DLC1: variants seen among roughly 807,000 people sequenced by gnomAD.
DLC1 encodes DLC1 Rho GTPase activating protein.
In DLC1, 54 loss-of-function variants were observed where a neutral mutation model predicts 140.3. The observed-to-expected ratio is 0.38, with a 90% CI of 0.31 to 0.48. DLC1 has a LOEUF of 0.48. Ranked by LOEUF, DLC1 falls within the 20% of genes least tolerant of loss-of-function variation. DLC1 has a pLI of 0.96. For missense variants in DLC1, 2,536 were observed against 1,907.0 expected (o/e 1.33, Z -6.14); for synonymous variants, 986 against 728.1 (o/e 1.35, Z -5.70).
At chr8:13,537,709 A>G (rs1039548386) in intron 1 of DLC1, among the ~76,000 whole-genome samples, 18 of 134,436 alleles carry the variant, frequency 1.3e-4, no homozygotes, top group Admixed American at 4.3e-4. Flanking sequence ...GCTAGAATGC[A>G]GTGGCGCGAT....
At chr8:13,199,430 C>T (rs138389179) in intron 5 of DLC1, among the ~76,000 whole-genome samples, 7 of 152,094 alleles carry the variant, frequency 4.6e-5, no homozygotes, top group African/African-American at 7.2e-5. Context: ...GCAATCCTCC[C>T]GCGTCCTTCC....
intron 5 of DLC1, among the ~76,000 whole-genome samples, chr8:13,210,672 C>T (rs944907909): frequency 4.6e-5 from 7 of 152,142 alleles, no homozygotes; most frequent in African/African-American, 1.7e-4. Context: ...CACAGTTGGT[C>T]CTCATCGGTT....
rs936344530 is a variant in DLC1 at position 13,414,985 on chromosome 8, G to T, written c.1024-13366C>A. On this transcript the variant is annotated intron_variant, in intron 2 of 17. Transcript: ENST00000276297. Reference sequence around the variant, plus strand: ...GCCACCATGCCTGGCTAATTTTTTTGTTATTTATAGTAGAGACATGGTTTC... The same window carrying T: ...GCCACCATGCCTGGCTAATTTTTTTTTTATTTATAGTAGAGACATGGTTTC... 2.0e-5 allele frequency among the ~76,000 whole-genome samples: 3 copies of T among 151,782 alleles called. No individual in the cohort carries two copies. The East Asian group carries it at 5.8e-4, about 30-fold the overall frequency.
At chr8:13,096,358 G>C (rs1288592913) in intron 10 of DLC1, among the ~76,000 whole-genome samples, 2 of 152,142 alleles carry the variant, frequency 1.3e-5, no homozygotes, top group Non-Finnish European at 2.9e-5. Context: ...TAAGCACAGA[G>C]GAACTCCAGA....
intron 2 of DLC1, among the ~76,000 whole-genome samples, chr8:13,459,664 C>T (rs1324599112): frequency 6.6e-6 from 1 of 152,178 alleles, no homozygotes; most frequent in Non-Finnish European, 1.5e-5. Context: ...ATTCTCTGGC[C>T]AACTTCTCCC....
intron 5 of DLC1, among the ~76,000 whole-genome samples, chr8:13,275,853 G>T (rs1362100765): frequency 2.0e-5 from 3 of 152,096 alleles, no homozygotes; most frequent in Admixed American, 6.5e-5. Context: ...ACACGCCAGG[G>T]CACCTCACAC....
chr8:13,514,533 C>T, intron 1 of DLC1, 69 bp downstream of exon 1: 1 of 398,450 alleles, frequency 2.5e-6, no homozygotes, highest in East Asian at 3.6e-5. Flanking sequence ...AAGATGCTAA[C>T]ATTTATCTCA....
intron 3 of DLC1, among the ~76,000 whole-genome samples, chr8:13,396,207 C>T (rs112295330): frequency 0.063 from 9,535 of 151,740 alleles, 362 homozygotes; most frequent in African/African-American, 0.078. Flanking sequence ...TTACAGGCGC[C>T]CACCACCACA....
chr8:13,166,009 C>T (rs1160301702), intron 5 of DLC1, among the ~76,000 whole-genome samples: 1 of 152,160 alleles, frequency 6.6e-6, no homozygotes, highest in Non-Finnish European at 1.5e-5. Context: ...GCCAGAGGGA[C>T]TGGAAAGAGG....
intron 5 of DLC1, among the ~76,000 whole-genome samples, chr8:13,253,322 C>G (rs922649378): frequency 6.6e-6 from 1 of 152,140 alleles, no homozygotes; most frequent in Non-Finnish European, 1.5e-5. Context: ...CAGAGAGTAA[C>G]AATGCCTTTT....
chr8:13,567,498 C>T (rs1340932897), intron 1 of DLC1: 10 of 1,551,958 alleles, frequency 6.4e-6, no homozygotes, highest in South Asian at 4.8e-5. Flanking sequence ...GTACTGTACC[C>T]GATGAACTTT....
At chr8:13,267,325 T>A (rs1279418720) in intron 5 of DLC1, among the ~76,000 whole-genome samples, 1 of 152,172 alleles carries the variant, frequency 6.6e-6, no homozygotes, top group African/African-American at 2.4e-5. Context: ...TTAGCTTTTT[T>A]TTTTTTCTGC....
rs546316473 is a variant in DLC1 at position 13,146,689 on chromosome 8, T to C, written c.1349-31032A>G. Among the ~76,000 whole-genome samples, 451 of 152,262 alleles carry C rather than the reference T, an allele frequency of 3.0e-3. 1 individual carries two copies. Among genetic ancestry groups the C allele is most frequent in the Non-Finnish European group, 5.0e-3 (342 of 68,024 alleles). ...TGTGTTTTTAAAAAGTTGACATCAT[T>C]ACTATTGCTTGTGCTATTAGAATGC... On this transcript the variant is annotated intron_variant, in intron 5 of 17. Transcript: ENST00000276297.
intron 2 of DLC1, among the ~76,000 whole-genome samples, chr8:13,463,363 T>C (rs1356422162): frequency 6.6e-6 from 1 of 152,164 alleles, no homozygotes; most frequent in Non-Finnish European, 1.5e-5. Context: ...GATTAATCAT[T>C]GAAAGAGAAT....
chr8:13,443,615 G>T (rs1451897903), intron 2 of DLC1, among the ~76,000 whole-genome samples: 2 of 136,364 alleles, frequency 1.5e-5, no homozygotes, highest in African/African-American at 2.8e-5. Flanking sequence ...CCAAGATCGC[G>T]CCACTGCACT....
intron 3 of DLC1, 112 bp downstream of exon 3, chr8:13,401,358 G>A (rs1837287507): frequency 1.5e-6 from 2 of 1,353,568 alleles, no homozygotes; most frequent in East Asian, 4.9e-5. Flanking sequence ...ACTGTACTGG[G>A]GTTACATGTT....
At chr8:13,227,526 T>G (rs2117184454) in intron 5 of DLC1, among the ~76,000 whole-genome samples, 1 of 152,248 alleles carries the variant, frequency 6.6e-6, no homozygotes, top group South Asian at 2.1e-4. Flanking sequence ...TAGCTGAAAA[T>G]TCAAGATATA....
At chr8:13,459,550 T>A (rs1443171962) in intron 2 of DLC1, among the ~76,000 whole-genome samples, 1 of 152,228 alleles carries the variant, frequency 6.6e-6, no homozygotes, top group Non-Finnish European at 1.5e-5. Context: ...CTCTGTTCAT[T>A]GGAACTGCGC....
At chr8:13,102,384 G>C (rs971694396) in intron 8 of DLC1, among the ~76,000 whole-genome samples, 1 of 151,918 alleles carries the variant, frequency 6.6e-6, no homozygotes, top group Non-Finnish European at 1.5e-5. Context: ...ATCGGCCTTC[G>C]CTTTCATCTC....
Sources: allele counts gnomAD v4.1 joint callset (sites outside exome capture counted in the v4.1 genomes callset), GRCh38; gene constraint gnomAD v4.1.1; transcripts MANE v1.5; gene names NCBI Gene and HGNC (gene_info 2026-07-23, HGNC 2026-07-21).